Variants in CTXND1 observed in about 807,000 individuals in gnomAD.
The protein encoded by CTXND1 is cortexin domain-containing 1 protein.
intron 1 of CTXND1, among the ~76,000 whole-genome samples, chr15:80,215,769 G>A (rs1026528419): frequency 6.6e-6 from 1 of 152,110 alleles, no homozygotes; most frequent in Admixed American, 6.5e-5. Flanking sequence ...GCAGTGGCCC[G>A]CCCCAAGCCT....
Position 80,251,785 on chromosome 15 carries a change from G to A in CTXND1, c.-218+222C>T, listed in dbSNP as rs556401561. Among the ~76,000 whole-genome samples the A allele has an allele frequency of 2.9e-4, 44 of 152,076 alleles. 1 individual carries two copies. Among genetic ancestry groups the A allele is most frequent in the African/African-American group, 9.1e-4 (38 of 41,532 alleles). On this transcript the variant is annotated intron_variant, in intron 1 of 2. Coordinates refer to ENST00000560778, the MANE Select transcript of CTXND1 (RefSeq NM_001352888.2). Reference sequence around the variant, plus strand: ...CCGCGCGGGTCCGGCCCTCCCCGCCGACCGAGGCGCGCCCCGGGCGCAGTG... The same window carrying A: ...CCGCGCGGGTCCGGCCCTCCCCGCCAACCGAGGCGCGCCCCGGGCGCAGTG...
chr15:80,215,875 G>A (rs536181843), intron 1 of CTXND1, among the ~76,000 whole-genome samples: 3 of 152,242 alleles, frequency 2.0e-5, no homozygotes, highest in East Asian at 1.9e-4. Flanking sequence ...TACTGAAGCC[G>A]ATTTCTGCAA....
chr15:80,246,828 G>A (rs1306480272), intron 1 of CTXND1, among the ~76,000 whole-genome samples: 1 of 152,172 alleles, frequency 6.6e-6, no homozygotes, highest in Non-Finnish European at 1.5e-5. Flanking sequence ...TTGGGTCCCT[G>A]AATCTGCATT....
At chr15:80,204,651 A>ATATATATATG (rs1893128240) in intron 1 of CTXND1, among the ~76,000 whole-genome samples, 1 of 40,956 alleles carries the variant, frequency 2.4e-5, no homozygotes, top group Non-Finnish European at 4.2e-5. Flanking sequence ...TCCATTGTAT[A>ATATATATATG]TATATATATA....
Position 80,201,452 on chromosome 15 carries a change from A to G in CTXND1, c.*318T>C. The G allele has an allele frequency of 4.2e-6, 1 of 240,852 alleles. No individual in the cohort carries two copies. Among genetic ancestry groups the G allele is most frequent in the Non-Finnish European group, 7.9e-6 (1 of 125,856 alleles). 14.9% of individuals were successfully genotyped at this position (240,852 alleles called of 1,614,324 possible). A position where few individuals can be genotyped will look rare whatever the true frequency, so the allele number is the denominator to read the frequency against. On this transcript the variant is annotated 3_prime_UTR_variant, in exon 3 of 3. Coordinates refer to ENST00000560778, the MANE Select transcript of CTXND1 (RefSeq NM_001352888.2). Reference sequence around the variant, plus strand: ...GTCTGTTGCTGGATCCAGTTCCAAAAGGTGCCCAGGAACCTGGGAAGGTGA... The same window carrying G: ...GTCTGTTGCTGGATCCAGTTCCAAAGGGTGCCCAGGAACCTGGGAAGGTGA...
intron 1 of CTXND1, among the ~76,000 whole-genome samples, chr15:80,241,294 C>T (rs1485472664): frequency 6.6e-6 from 1 of 152,168 alleles, no homozygotes; most frequent in East Asian, 1.9e-4. Context: ...GAGAAGGATT[C>T]TCTTCCTTTC....
chr15:80,215,001 C>T (rs1893236644), intron 1 of CTXND1, among the ~76,000 whole-genome samples: 2 of 152,132 alleles, frequency 1.3e-5, no homozygotes, highest in South Asian at 4.2e-4. Context: ...GAAAACTCTG[C>T]CATTACATTG....
chr15:80,209,306 A>G (rs1893180891), intron 1 of CTXND1, among the ~76,000 whole-genome samples: 1 of 152,244 alleles, frequency 6.6e-6, no homozygotes, highest in South Asian at 2.1e-4. Context: ...TGAAGCAAGG[A>G]CACATATCCA....
At chr15:80,208,961 T>C (rs1376296058) in intron 1 of CTXND1, among the ~76,000 whole-genome samples, 2 of 152,212 alleles carry the variant, frequency 1.3e-5, no homozygotes, top group Non-Finnish European at 2.9e-5. Context: ...CTCCCATGTT[T>C]CACAGCAGGA....
chr15:80,221,983 G>C (rs1172265736), intron 1 of CTXND1, among the ~76,000 whole-genome samples: 1 of 152,122 alleles, frequency 6.6e-6, no homozygotes, highest in African/African-American at 2.4e-5. Flanking sequence ...TTGTATAGGT[G>C]TTGCTTTTTG....
chr15:80,240,170 G>A (rs1398034209), intron 1 of CTXND1, among the ~76,000 whole-genome samples: 2 of 152,136 alleles, frequency 1.3e-5, no homozygotes, highest in Non-Finnish European at 2.9e-5. Context: ...TCTCCATGTT[G>A]GTCAGGCTGG....
chr15:80,251,250 C>T (rs896417097), intron 1 of CTXND1, among the ~76,000 whole-genome samples: 4 of 152,210 alleles, frequency 2.6e-5, no homozygotes, highest in Non-Finnish European at 5.9e-5. Flanking sequence ...GGCACGGAGA[C>T]TCTTACCAAA....
At chr15:80,222,480 C>A (rs2142130825) in intron 1 of CTXND1, among the ~76,000 whole-genome samples, 1 of 152,276 alleles carries the variant, frequency 6.6e-6, no homozygotes, top group East Asian at 1.9e-4. Context: ...GTAACCCTAA[C>A]TCTCTAATAT....
chr15:80,204,146 CA>C (rs1173053524), intron 1 of CTXND1, among the ~76,000 whole-genome samples: 8 of 2,148 alleles, frequency 3.7e-3, no homozygotes, highest in African/African-American at 8.1e-3. Context: ...GACTGTGTCT[CA>C]AAAAAAAAAA....
chr15:80,216,559 A>G (rs546163126), intron 1 of CTXND1, among the ~76,000 whole-genome samples: 1 of 152,336 alleles, frequency 6.6e-6, no homozygotes, highest in South Asian at 2.1e-4. Context: ...TTTAATATAG[A>G]AACAGAAGTG....
chr15:80,228,962 A>T (rs1893401015), intron 1 of CTXND1, among the ~76,000 whole-genome samples: 1 of 151,956 alleles, frequency 6.6e-6, no homozygotes, highest in Non-Finnish European at 1.5e-5. Flanking sequence ...CTGACATGAT[A>T]CTCAAAGAAA....
intron 1 of CTXND1, among the ~76,000 whole-genome samples, chr15:80,233,783 G>T (rs1160062480): frequency 6.6e-6 from 1 of 152,212 alleles, no homozygotes; most frequent in Non-Finnish European, 1.5e-5. Flanking sequence ...GAAATTAATG[G>T]CCCCTCAAAG....
At chr15:80,231,412 A>G (rs1207881006) in intron 1 of CTXND1, among the ~76,000 whole-genome samples, 1 of 152,098 alleles carries the variant, frequency 6.6e-6, no homozygotes, top group Non-Finnish European at 1.5e-5. Flanking sequence ...AAGAAAAAAA[A>G]AAAGAAAAAA....
intron 1 of CTXND1, among the ~76,000 whole-genome samples, chr15:80,249,665 A>G (rs1368312860): frequency 6.6e-6 from 1 of 152,166 alleles, no homozygotes. Context: ...AGGACTAAAC[A>G]CTGATTTGTC....
Sources: gnomAD v4.1 joint callset for allele counts (sites outside exome capture counted in the v4.1 genomes callset) on GRCh38, gnomAD v4.1.1 for gene constraint, MANE v1.5 for transcripts, NCBI Gene and HGNC (gene_info 2026-07-23, HGNC 2026-07-21) for gene names.